The following COBL variants were observed in gnomAD, a reference collection of about 807,000 sequenced individuals.
The protein encoded by COBL is protein cordon-bleu.
A neutral mutation model predicts 98.8 loss-of-function variants in COBL; 51 were observed. The observed-to-expected ratio is 0.52, with a 90% CI of 0.41 to 0.65. The LOEUF (loss-of-function observed/expected upper bound fraction) is 0.65. Among genes scored for constraint, COBL ranks in the 30% least tolerant of loss-of-function variants. The pLI, the probability that COBL is intolerant of heterozygous loss-of-function variation, is 0.00. For synonymous variants in COBL, 634 were observed against 651.7 expected (o/e 0.97, Z 0.41); for missense variants, 1,617 against 1,617.5 (o/e 1.00, Z 0.01).
chr7:51,181,838 T>A (rs1788995075), intron 5 of COBL, among the ~76,000 whole-genome samples: 2 of 151,864 alleles, frequency 1.3e-5, no homozygotes, highest in South Asian at 4.2e-4. Context: ...CCTTCACTGC[T>A]GTATCGAAAT....
At chr7:51,311,718 G>A (rs1803059911) in intron 1 of COBL, among the ~76,000 whole-genome samples, 2 of 151,954 alleles carry the variant, frequency 1.3e-5, no homozygotes, top group African/African-American at 4.8e-5. Flanking sequence ...AGTATAAAAT[G>A]GGGGAGATGG....
intron 2 of COBL, among the ~76,000 whole-genome samples, chr7:51,210,964 C>T (rs989985236): frequency 6.6e-6 from 1 of 152,216 alleles, no homozygotes; most frequent in African/African-American, 2.4e-5. Flanking sequence ...CAGAGAGGCA[C>T]AGCTGCTGCC....
chr7:51,055,080 C>T (rs1790607348), intron 7 of COBL, among the ~76,000 whole-genome samples: 3 of 152,138 alleles, frequency 2.0e-5, no homozygotes, highest in Admixed American at 2.0e-4. Context: ...GATATGACCC[C>T]AGGGTTGGCT....
intron 1 of COBL, among the ~76,000 whole-genome samples, chr7:51,294,220 G>C (rs1801181383): frequency 6.6e-6 from 1 of 151,904 alleles, no homozygotes; most frequent in African/African-American, 2.4e-5. Flanking sequence ...GAACCTGGGA[G>C]ACAGAGGCTG....
At chr7:51,048,097 C>A (rs76036246) in intron 7 of COBL, among the ~76,000 whole-genome samples, 1 of 151,214 alleles carries the variant, frequency 6.6e-6, no homozygotes, top group African/African-American at 2.4e-5. Flanking sequence ...ACCTGAGAGG[C>A]GGAGGCTGCA....
chr7:51,025,577 T>C (rs1316132880), intron 11 of COBL, among the ~76,000 whole-genome samples: 1 of 152,158 alleles, frequency 6.6e-6, no homozygotes, highest in Middle Eastern at 3.2e-3. Context: ...TATATGAGGA[T>C]GCAGAGAGAA....
At chr7:51,040,024 C>T (rs1046326643) in intron 8 of COBL, among the ~76,000 whole-genome samples, 1 of 152,130 alleles carries the variant, frequency 6.6e-6, no homozygotes, top group Non-Finnish European at 1.5e-5. Context: ...TCGCCTAACC[C>T]CTGCCTTACC....
intron 1 of COBL, among the ~76,000 whole-genome samples, chr7:51,263,634 G>A (rs916975242): frequency 1.3e-4 from 20 of 152,064 alleles, no homozygotes; most frequent in African/African-American, 4.8e-4. Context: ...TTTAGTACCT[G>A]GGAGGATGAA....
At chr7:51,094,268 C>T (rs184413234) in intron 6 of COBL, among the ~76,000 whole-genome samples, 33 of 151,926 alleles carry the variant, frequency 2.2e-4, no homozygotes, top group Non-Finnish European at 4.1e-4. Flanking sequence ...TTAAAGGGTG[C>T]CAAGTTTCAG....
At chr7:51,169,193 A>G (rs1223779222) in intron 5 of COBL, among the ~76,000 whole-genome samples, 1 of 152,180 alleles carries the variant, frequency 6.6e-6, no homozygotes, top group East Asian at 1.9e-4. Context: ...TTCTACTGAT[A>G]ATAATGCTTT....
In COBL at chr7:51,316,489, G is replaced by T. The variant is rs1216712218; in HGVS notation, c.41+104C>A. The T allele has an allele frequency of 9.5e-6, 8 of 843,372 alleles. No homozygotes were observed. The East Asian group carries it at 2.4e-4, about 25-fold the overall frequency. The allele number at this position is 843,372 out of a possible 1,614,324, so 52.2% of individuals were successfully genotyped here. A position where few individuals can be genotyped will look rare whatever the true frequency, so the allele number is the denominator to read the frequency against. On this transcript the variant is annotated intron_variant, in intron 1 of 12. Coordinates refer to ENST00000265136, the MANE Select transcript of COBL (RefSeq NM_015198.5). ...CCACCACTACCACCAGCACCCGCTG[G>T]GGCGGCAGAGAGGGCGCCCTGCCCG...
At chr7:51,221,642 GATC>G (rs1253867478) in intron 1 of COBL, among the ~76,000 whole-genome samples, 1 of 152,124 alleles carries the variant, frequency 6.6e-6, no homozygotes, top group Non-Finnish European at 1.5e-5. Context: ...TATAGCAATG[GATC>G]ATATAGCAGT....
At chr7:51,048,500 T>G (rs1449526121) in intron 7 of COBL, among the ~76,000 whole-genome samples, 1 of 152,130 alleles carries the variant, frequency 6.6e-6, no homozygotes, top group Non-Finnish European at 1.5e-5. Flanking sequence ...CCCAGGCCCC[T>G]CCACGTAAAA....
chr7:51,128,293 T>C (rs963256693), intron 6 of COBL, among the ~76,000 whole-genome samples: 1 of 152,196 alleles, frequency 6.6e-6, no homozygotes, highest in African/African-American at 2.4e-5. Context: ...GATGCCAGGA[T>C]GGCTGTGAGG....
intron 12 of COBL, among the ~76,000 whole-genome samples, chr7:51,018,903 A>AT (rs1786588072): frequency 1.7e-5 from 1 of 57,222 alleles, no homozygotes; most frequent in Non-Finnish European, 3.3e-5. Context: ...AAAAAAAAAA[A>AT]AAATATATAT....
intron 1 of COBL, among the ~76,000 whole-genome samples, chr7:51,266,330 G>A (rs1281872971): frequency 6.6e-6 from 1 of 152,198 alleles, no homozygotes; most frequent in Non-Finnish European, 1.5e-5. Context: ...TATAATCCCA[G>A]CATTCTGGGA....
At chr7:51,235,275 C>T (rs768443522) in intron 1 of COBL, among the ~76,000 whole-genome samples, 11 of 152,132 alleles carry the variant, frequency 7.2e-5, no homozygotes, top group Admixed American at 1.3e-4. Context: ...GTTTGGAGGA[C>T]GGGCGATTCC....
intron 2 of COBL, 23 bp from the exon 3 acceptor site, chr7:51,193,612 T>C: frequency 6.2e-7 from 1 of 1,606,508 alleles, no homozygotes; most frequent in Non-Finnish European, 8.5e-7. Flanking sequence ...AAACAAATCA[T>C]GATTATTAGG....
chr7:51,289,098 G>A lies in COBL; in HGVS notation c.41+27495C>T, dbSNP rs914417526. Among the ~76,000 whole-genome samples the A allele has an allele frequency of 1.8e-4, 28 of 152,128 alleles. 1 individual carries two copies. Among genetic ancestry groups the A allele is most frequent in the African/African-American group, 4.6e-4 (19 of 41,440 alleles). ...AGCATCTCCTCCCAGCATGCCCACC[G>A]CACTGGTGCTCAGGGTCCAGTGAGG... On this transcript the variant is annotated intron_variant, in intron 1 of 12. Transcript: ENST00000265136.
Sources: gnomAD v4.1 joint callset for allele counts (sites outside exome capture counted in the v4.1 genomes callset) on GRCh38, gnomAD v4.1.1 for gene constraint, MANE v1.5 for transcripts, NCBI Gene and HGNC (gene_info 2026-07-23, HGNC 2026-07-21) for gene names.